The following BBX variants were observed in gnomAD, a reference collection of about 807,000 sequenced individuals.
BBX encodes HMG box transcription factor BBX.
A neutral mutation model predicts 100.2 loss-of-function variants in BBX; 30 were observed. The observed-to-expected ratio is 0.30, with a 90% CI of 0.22 to 0.41. The LOEUF (loss-of-function observed/expected upper bound fraction) is 0.41, where lower values mean the gene tolerates loss of function less well. BBX is among the 10% of genes least tolerant of loss of function. The pLI, the probability that BBX is intolerant of heterozygous loss-of-function variation, is 1.00. For synonymous variants in BBX, 376 were observed against 388.1 expected (o/e 0.97, Z 0.37); for missense variants, 1,023 against 1,129.8 (o/e 0.91, Z 1.35).
chr3:107,579,331 C>G (rs2052077687), intron 2 of BBX, among the ~76,000 whole-genome samples: 1 of 152,122 alleles, frequency 6.6e-6, no homozygotes, highest in Admixed American at 6.5e-5. Flanking sequence ...TTGGGTCTTT[C>G]ATCTCTCAGT....
intron 2 of BBX, among the ~76,000 whole-genome samples, chr3:107,537,378 A>ACATAT (rs2048573231): frequency 6.6e-6 from 1 of 152,332 alleles, no homozygotes; most frequent in Non-Finnish European, 1.5e-5. Flanking sequence ...AGGGGTCCAA[A>ACATAT]CATATGCCAA....
At chr3:107,799,120 AGCCTGGGC>A (rs1447433788) in intron 16 of BBX, among the ~76,000 whole-genome samples, 1 of 151,798 alleles carries the variant, frequency 6.6e-6, no homozygotes, top group Non-Finnish European at 1.5e-5. Context: ...ACTGCACTCC[AGCCTGGGC>A]GACAGAGTGA....
chr3:107,788,821 C>G (rs1419101469), intron 13 of BBX, among the ~76,000 whole-genome samples: 4 of 152,000 alleles, frequency 2.6e-5, no homozygotes, highest in African/African-American at 9.7e-5. Context: ...AAGAGAGAAA[C>G]TGGAGACAGC....
At chr3:107,572,535 T>G (rs926752123) in intron 2 of BBX, among the ~76,000 whole-genome samples, 4 of 152,218 alleles carry the variant, frequency 2.6e-5, no homozygotes, top group African/African-American at 9.6e-5. Flanking sequence ...GTTTCCTTTC[T>G]TCGTAACATT....
intron 2 of BBX, among the ~76,000 whole-genome samples, chr3:107,547,094 A>C (rs1218709687): frequency 6.6e-6 from 1 of 152,206 alleles, no homozygotes; most frequent in Non-Finnish European, 1.5e-5. Flanking sequence ...GTTGTTTTAT[A>C]ATGAGGTAGT....
At chr3:107,690,679 G>A (rs1337944077) in intron 3 of BBX, among the ~76,000 whole-genome samples, 1 of 151,556 alleles carries the variant, frequency 6.6e-6, no homozygotes, top group African/African-American at 2.4e-5. Flanking sequence ...TATTTAAATA[G>A]GATGCTAGAA....
chr3:107,639,649 T>A (rs1255271450), intron 2 of BBX, among the ~76,000 whole-genome samples: 1 of 152,194 alleles, frequency 6.6e-6, no homozygotes, highest in African/African-American at 2.4e-5. Context: ...ACTGGACTAA[T>A]GCCTACTCCT....
chr3:107,545,956 G>A (rs2049207410), intron 2 of BBX, among the ~76,000 whole-genome samples: 1 of 152,200 alleles, frequency 6.6e-6, no homozygotes, highest in Non-Finnish European at 1.5e-5. Flanking sequence ...GCACTAAAAT[G>A]TTGCTGGTTT....
intron 2 of BBX, among the ~76,000 whole-genome samples, chr3:107,528,303 C>T (rs868432222): frequency 3.9e-5 from 6 of 152,278 alleles, no homozygotes; most frequent in Middle Eastern, 3.4e-3. Context: ...CTGCATGTCT[C>T]TGTTAGGTTC....
intron 5 of BBX, among the ~76,000 whole-genome samples, chr3:107,718,151 T>G (rs2062238290): frequency 6.7e-6 from 1 of 149,258 alleles, no homozygotes; most frequent in Non-Finnish European, 1.5e-5. Flanking sequence ...TAGTTGCTAC[T>G]AAAAATTATT....
intron 16 of BBX, among the ~76,000 whole-genome samples, chr3:107,800,074 A>G (rs1343048168): frequency 6.6e-6 from 1 of 152,234 alleles, no homozygotes; most frequent in African/African-American, 2.4e-5. Flanking sequence ...GAATATTTAG[A>G]TTGTTAGAAA....
intron 13 of BBX, among the ~76,000 whole-genome samples, chr3:107,783,756 A>G (rs1288144368): frequency 6.6e-6 from 1 of 152,060 alleles, no homozygotes; most frequent in East Asian, 1.9e-4. Context: ...GATACCTGTA[A>G]TATTAGTGTA....
At chr3:107,726,478 A>G (rs1399379855) in intron 5 of BBX, among the ~76,000 whole-genome samples, 1 of 152,032 alleles carries the variant, frequency 6.6e-6, no homozygotes, top group African/African-American at 2.4e-5. Flanking sequence ...GATGGAACTA[A>G]TGAACGTGGT....
rs1252633122 is a variant in BBX, at chr3:107,716,944, A to G, written c.405+95A>G. The G allele has an allele frequency of 4.2e-6, 6 of 1,416,354 alleles. No homozygotes were observed. The African/African-American group carries it at 7.2e-5, about 17-fold the overall frequency. The allele number at this position is 1,416,354 out of a possible 1,614,324, so 87.7% of individuals were successfully genotyped here. A position where few individuals can be genotyped will look rare whatever the true frequency, so the allele number is the denominator to read the frequency against. On this transcript the variant is annotated intron_variant, in intron 5 of 17. Transcript: ENST00000325805. Reference sequence around the variant, plus strand: ...TGAAGCACCTGTTGAAGGTCTAGCAATGAGAAGGTGAATCATAAATGAGAT... The same window carrying G: ...TGAAGCACCTGTTGAAGGTCTAGCAGTGAGAAGGTGAATCATAAATGAGAT...
intron 2 of BBX, among the ~76,000 whole-genome samples, chr3:107,643,103 A>G (rs933372932): frequency 3.3e-5 from 5 of 152,146 alleles, no homozygotes. Context: ...GTGCCTTTGA[A>G]TGTTATGCTG....
At chr3:107,712,581 C>T (rs1423593189) in intron 4 of BBX, among the ~76,000 whole-genome samples, 2 of 152,168 alleles carry the variant, frequency 1.3e-5, no homozygotes, top group African/African-American at 4.8e-5. Context: ...GATATGTTCA[C>T]AGTTTTGTTG....
At chr3:107,740,155 G>T (rs1299206747) in intron 7 of BBX, among the ~76,000 whole-genome samples, 1 of 151,928 alleles carries the variant, frequency 6.6e-6, no homozygotes, top group Non-Finnish European at 1.5e-5. Context: ...CAGATGTAGT[G>T]CACCGCTTGT....
chr3:107,561,378 C>T (rs913958981), intron 2 of BBX, among the ~76,000 whole-genome samples: 8 of 152,216 alleles, frequency 5.3e-5, no homozygotes, highest in Admixed American at 2.0e-4. Context: ...AATTCTATAT[C>T]GATCTATATG....
chr3:107,594,023 G>C (rs1229005255), intron 2 of BBX, among the ~76,000 whole-genome samples: 1 of 152,106 alleles, frequency 6.6e-6, no homozygotes, highest in Non-Finnish European at 1.5e-5. Flanking sequence ...GCTTGTATCA[G>C]GTCATCAATG....
Sources: gnomAD v4.1 joint callset for allele counts (sites outside exome capture counted in the v4.1 genomes callset) on GRCh38, gnomAD v4.1.1 for gene constraint, MANE v1.5 for transcripts, NCBI Gene and HGNC (gene_info 2026-07-23, HGNC 2026-07-21) for gene names.